The following MAP3K19 variants were observed in gnomAD, a reference collection of about 807,000 sequenced individuals.
MAP3K19 encodes mitogen-activated protein kinase kinase kinase 19, also known as SPS1/STE20-related protein kinase YSK4.
A neutral mutation model predicts 114.4 loss-of-function variants in MAP3K19; 91 were observed. The ratio of observed to expected loss-of-function variants is 0.80; its 90% CI spans 0.67 to 0.95. The LOEUF is 0.95. MAP3K19 is among the 40% of genes least tolerant of loss of function. The probability of loss-of-function intolerance (pLI) is 0.00; values close to 1 mark genes in which losing one functional copy is unlikely to be tolerated. For synonymous variants in MAP3K19, 518 were observed against 530.5 expected, an observed-to-expected ratio of 0.98 and a Z score of 0.32; for missense variants, 1,471 against 1,573.2, an observed-to-expected ratio of 0.94 and a Z score of 1.10.
chr2:135,005,598 A>G (rs1686757745), intron 5 of MAP3K19, 67 bp from the exon 6 acceptor site: 1 of 1,234,940 alleles, frequency 8.1e-7, no homozygotes. Context: ...TGGCAGAGTG[A>G]ATGTTGATTT....
chr2:134,998,881 T>C lies in MAP3K19; in HGVS notation c.431A>G (p.Gln144Arg), dbSNP rs1321566552. Residue 144 changes from glutamine to arginine, a missense_variant, in exon 8 of 13, where the codon CAA (glutamine) becomes CGA (arginine). Gln to Arg is a conservative substitution (Grantham distance 43, BLOSUM62 1). Transcript: ENST00000392915. Reference sequence around the variant, plus strand: ...GAGCTCCCTGGAACTTTCCTCTTTTTGCAAAACTAAGGGCCGCATGGTCAG... The same window carrying C: ...GAGCTCCCTGGAACTTTCCTCTTTTCGCAAAACTAAGGGCCGCATGGTCAG... The part of the protein sequence containing the change: ...KKLTMRPLVL[Q>R]KEESSRELCN... The C allele has an allele frequency of 6.2e-7, 1 of 1,614,198 alleles. No homozygotes were observed. Among genetic ancestry groups the C allele is most frequent in the East Asian group, 2.2e-5 (1 of 44,888 alleles).
intron 5 of MAP3K19, among the ~76,000 whole-genome samples, chr2:135,009,410 T>C (rs1057362980): frequency 2.0e-5 from 3 of 152,180 alleles, no homozygotes; most frequent in Non-Finnish European, 2.9e-5. Context: ...TAGTATTATA[T>C]ATAGTTTTTG....
Position 134,964,528 on chromosome 2 carries a change from A to G in MAP3K19, c.*322T>C, listed in dbSNP as rs3769022. ...TTTATTTTAAACTAACAACATTAAA[A>G]TTGACAGGACAGGCCAAAAATAAAA... On this transcript the variant is annotated 3_prime_UTR_variant, in exon 13 of 13. Coordinates refer to ENST00000392915, the MANE Select transcript of MAP3K19 (RefSeq NM_025052.5). 3,619 of 177,828 alleles carry G rather than the reference A, an allele frequency of 0.02. 293 individuals are homozygous for G. The East Asian group carries it at 0.28, about 14-fold the overall frequency. 11.0% of individuals were successfully genotyped at this position (177,828 alleles called of 1,614,324 possible). A position where few individuals can be genotyped will look rare whatever the true frequency, so the allele number is the denominator to read the frequency against.
At chr2:135,019,157 A>AC (rs1189748547) in intron 5 of MAP3K19, among the ~76,000 whole-genome samples, 2 of 152,192 alleles carry the variant, frequency 1.3e-5, no homozygotes, top group African/African-American at 4.8e-5. Flanking sequence ...CTTTTAGAAG[A>AC]CAGCATAGGA....
At chr2:135,016,809 T>A (rs138247336) in intron 5 of MAP3K19, among the ~76,000 whole-genome samples, 32 of 152,330 alleles carry the variant, frequency 2.1e-4, no homozygotes, top group Admixed American at 3.3e-4. Context: ...ATCCTTTATA[T>A]TATCTCTCTC....
chr2:135,036,191 T>C (rs1688522105), intron 2 of MAP3K19, among the ~76,000 whole-genome samples: 1 of 152,180 alleles, frequency 6.6e-6, no homozygotes, highest in African/African-American at 2.4e-5. Flanking sequence ...TCTACCCCAA[T>C]TGCCCTTCGT....
intron 12 of MAP3K19, 44 bp downstream of exon 12, chr2:134,980,777 A>C: frequency 6.4e-7 from 1 of 1,551,896 alleles, no homozygotes; most frequent in Middle Eastern, 1.7e-4. Flanking sequence ...GCCACTTGGA[A>C]TCTCCGGGCA....
chr2:134,991,302 A>AAAAACAAAAC lies in MAP3K19; in HGVS notation c.618+225_618+234dup, dbSNP rs144837592. The AAAAACAAAAC allele has an allele frequency of 4.7e-3, 2,229 of 472,564 alleles. 24 individuals are homozygous for AAAAACAAAAC. The highest frequency in any genetic ancestry group is 0.023 in the East Asian group (540 of 23,434). 29.3% of individuals were successfully genotyped at this position (472,564 alleles called of 1,614,324 possible). A position where few individuals can be genotyped will look rare whatever the true frequency, so the allele number is the denominator to read the frequency against. ...GGTGACAGAGTGAGACTCTGTCTCA[A>AAAAACAAAAC]AAAACAAAACAAAACAAAACAAAAC... is the stretch of plus-strand genomic sequence containing the variant. On this transcript the variant is annotated intron_variant, in intron 9 of 12. Coordinates refer to ENST00000392915, the MANE Select transcript of MAP3K19 (RefSeq NM_025052.5).
intron 12 of MAP3K19, among the ~76,000 whole-genome samples, chr2:134,975,095 G>A (rs188850391): frequency 1.3e-5 from 2 of 152,314 alleles, no homozygotes; most frequent in Admixed American, 1.3e-4. Flanking sequence ...TAGCAGTGGT[G>A]TGTCAAGCAT....
chr2:134,971,825 T>C (rs1329056591), intron 12 of MAP3K19, among the ~76,000 whole-genome samples: 1 of 151,994 alleles, frequency 6.6e-6, no homozygotes, highest in Non-Finnish European at 1.5e-5. Flanking sequence ...TTAGTCTAGC[T>C]AGCAGTTTAT....
At chr2:135,003,280 T>C (rs948225811) in intron 6 of MAP3K19, among the ~76,000 whole-genome samples, 46 of 152,210 alleles carry the variant, frequency 3.0e-4, no homozygotes, top group African/African-American at 1.1e-3. Flanking sequence ...ATGAGTGGAC[T>C]AAGAAAGTTC....
At chr2:134,991,762 G>A (rs1287342204) in intron 8 of MAP3K19, among the ~76,000 whole-genome samples, 182 bp from the exon 9 acceptor site, 1 of 152,184 alleles carries the variant, frequency 6.6e-6, no homozygotes, top group Non-Finnish European at 1.5e-5. Flanking sequence ...TCAGGCTGCT[G>A]CCACTAGCAG....
In MAP3K19 at chr2:134,987,366, T is replaced by C; in HGVS notation, c.1506A>G (p.Lys502=). ...TTCCCTTTCTTGTTTGGAGGCTTGG[T>C]TTGGCTATCACTGGTTCCTTGGGGC... ...DGSPKEPVIA[K]PSLQTRKGTI... Residue 502 remains lysine, a synonymous_variant, in exon 10 of 13, where the codon AAA becomes AAG. Coordinates refer to ENST00000392915, the MANE Select transcript of MAP3K19 (RefSeq NM_025052.5). 1 of 1,614,170 alleles carries C rather than the reference T, an allele frequency of 6.2e-7. No individual in the cohort carries two copies. Among genetic ancestry groups the C allele is most frequent in the East Asian group, 2.2e-5 (1 of 44,884 alleles).
rs1686601137 is a variant in MAP3K19 at position 135,003,569 on chromosome 2, T to C, written c.235+1866A>G. ...GTTTGTTTGTTTGTTTGTTTGTTTG[T>C]TTTGAGACGGAGCCTCACTCTGTCA... On this transcript the variant is annotated intron_variant, in intron 6 of 12. Transcript: ENST00000392915. 1.3e-5 allele frequency among the ~76,000 whole-genome samples: 2 copies of C among 151,102 alleles called. 1 individual carries two copies. Among genetic ancestry groups the C allele is most frequent in the South Asian group, 4.2e-4 (2 of 4,792 alleles).
chr2:134,987,915 A>T lies in MAP3K19; in HGVS notation c.957T>A (p.Ile319=). 6.2e-7 allele frequency: 1 copy of T among 1,614,170 alleles called. No homozygotes were observed. Among genetic ancestry groups the T allele is most frequent in the South Asian group, 1.1e-5 (1 of 91,084 alleles). The stretch of plus-strand genomic sequence containing the variant: ...GCCCTTTTTCAAAGTGAGTGATTTC[A>T]ATTTTGTTACATTCTTCTATTTCCT... ...KSKEIEECNK[I]EITHFEKGQS... Residue 319 remains isoleucine (I), a synonymous_variant, in exon 10 of 13, where the codon ATT becomes ATA. Coordinates refer to ENST00000392915, the MANE Select transcript of MAP3K19 (RefSeq NM_025052.5).
intron 11 of MAP3K19, among the ~76,000 whole-genome samples, chr2:134,982,113 C>CTTTTTTTTTTTTT (rs35219224): frequency 2.6e-5 from 2 of 76,350 alleles, no homozygotes; most frequent in Non-Finnish European, 5.0e-5. Context: ...CTTTTTCTTT[C>CTTTTTTTTTTTTT]TTTTTTTTTT....
intron 12 of MAP3K19, among the ~76,000 whole-genome samples, chr2:134,965,427 G>A (rs901459314): frequency 3.9e-5 from 6 of 152,122 alleles, no homozygotes; most frequent in African/African-American, 1.4e-4. Context: ...TAAGATAGAG[G>A]GAGACAGTTG....
intron 3 of MAP3K19, among the ~76,000 whole-genome samples, chr2:135,029,988 A>C (rs958663679): frequency 6.6e-6 from 1 of 152,220 alleles, no homozygotes; most frequent in Non-Finnish European, 1.5e-5. Context: ...ACAAATGGCA[A>C]TGATGCCAAG....
At chr2:135,044,131 T>C (rs1015643120) in intron 1 of MAP3K19, among the ~76,000 whole-genome samples, 1 of 152,216 alleles carries the variant, frequency 6.6e-6, no homozygotes, top group African/African-American at 2.4e-5. Context: ...TTGCTACGTG[T>C]CATATGCTTT....
Sources: allele counts gnomAD v4.1 joint callset (sites outside exome capture counted in the v4.1 genomes callset), GRCh38; gene constraint gnomAD v4.1.1; transcripts MANE v1.5; gene names NCBI Gene and HGNC (gene_info 2026-07-23, HGNC 2026-07-21).